Variants in MLLT10 observed in about 807,000 individuals in gnomAD.
The protein encoded by MLLT10 is MLLT10 histone lysine methyltransferase DOT1L cofactor.
Under a neutral mutation model 129.1 loss-of-function variants are expected in MLLT10, and 30 were observed. That is an observed-to-expected ratio of 0.23 (90% CI 0.17 to 0.32). MLLT10 has a LOEUF of 0.32. Among genes scored for constraint, MLLT10 ranks in the 10% least tolerant of loss-of-function variants. MLLT10 has a pLI of 1.00. For missense variants in MLLT10, 1,119 were observed against 1,268.3 expected (o/e 0.88, Z 1.79); for synonymous variants, 490 against 446.4 (o/e 1.10, Z -1.23).
chr10:21,624,955 G>T, intron 8 of MLLT10: 1 of 1,304,416 alleles, frequency 7.7e-7, no homozygotes, highest in Non-Finnish European at 1.1e-6. Flanking sequence ...CCCCTTGGTG[G>T]TGGTGAAGCA....
intron 3 of MLLT10, among the ~76,000 whole-genome samples, chr10:21,543,895 C>A (rs1468006901): frequency 6.6e-6 from 1 of 152,138 alleles, no homozygotes; most frequent in African/African-American, 2.4e-5. Context: ...GTATTTCACC[C>A]AGAAAGGGAA....
chr10:21,561,734 A>G (rs1220395368), intron 3 of MLLT10, among the ~76,000 whole-genome samples: 1 of 152,086 alleles, frequency 6.6e-6, no homozygotes, highest in Admixed American at 6.5e-5. Context: ...GTTGAAAATC[A>G]CTTCACCATA....
At chr10:21,716,839 G>A (rs370876216) in intron 14 of MLLT10, among the ~76,000 whole-genome samples, 50 of 152,252 alleles carry the variant, frequency 3.3e-4, no homozygotes, top group African/African-American at 1.2e-3. Flanking sequence ...CACCCTTAAC[G>A]AAAGTAGGAG....
chr10:21,624,729 T>A, intron 8 of MLLT10: 2 of 1,296,424 alleles, frequency 1.5e-6, no homozygotes, highest in Non-Finnish European at 1.1e-6. Context: ...TGTTTGTTGG[T>A]CTGACGATGC....
intron 8 of MLLT10, among the ~76,000 whole-genome samples, chr10:21,637,002 G>A (rs1000894301): frequency 6.6e-5 from 10 of 152,158 alleles, no homozygotes; most frequent in African/African-American, 2.4e-4. Flanking sequence ...GCCTTAGTGG[G>A]TGTGGCGTTC....
intron 8 of MLLT10, among the ~76,000 whole-genome samples, chr10:21,646,002 C>T (rs889905817): frequency 5.9e-5 from 9 of 152,092 alleles, no homozygotes; most frequent in African/African-American, 1.9e-4. Context: ...GCCCGGAGTT[C>T]GAGACCAGCC....
At chr10:21,612,209 A>G (rs557357311) in intron 5 of MLLT10, 139 bp from the exon 6 acceptor site, 12 of 528,844 alleles carry the variant, frequency 2.3e-5, no homozygotes, top group Admixed American at 9.8e-5. Context: ...AAATTAGATT[A>G]TTGTCCAAAA....
chr10:21,594,567 A>ATTT (rs1171913756), intron 4 of MLLT10, among the ~76,000 whole-genome samples: 1 of 148,340 alleles, frequency 6.7e-6, no homozygotes. Context: ...AAAAAAAAAA[A>ATTT]AAAAAAAAAG....
At chr10:21,617,606 A>G (rs1413143401) in intron 8 of MLLT10, among the ~76,000 whole-genome samples, 3 of 151,636 alleles carry the variant, frequency 2.0e-5, no homozygotes, top group East Asian at 3.9e-4. Context: ...ATTCTTGGCT[A>G]TTTTTTCTTT....
chr10:21,591,611 C>T (rs1414623068), intron 4 of MLLT10, among the ~76,000 whole-genome samples: 1 of 151,964 alleles, frequency 6.6e-6, no homozygotes, highest in East Asian at 1.9e-4. Flanking sequence ...GCCTTTTTGG[C>T]CATATCTCTT....
intron 17 of MLLT10, among the ~76,000 whole-genome samples, chr10:21,731,664 T>C (rs909123320): frequency 1.2e-4 from 19 of 152,226 alleles, no homozygotes; most frequent in Non-Finnish European, 2.6e-4. Flanking sequence ...ATAATTAGTA[T>C]ATATTATGCT....
intron 3 of MLLT10, among the ~76,000 whole-genome samples, chr10:21,545,243 C>CTTTT (rs55655739): frequency 7.0e-6 from 1 of 142,338 alleles, no homozygotes. Flanking sequence ...AACCACATGC[C>CTTTT]TTTTTTTTTT....
chr10:21,729,296 G>A (rs1183748577), intron 16 of MLLT10, among the ~76,000 whole-genome samples: 3 of 151,964 alleles, frequency 2.0e-5, no homozygotes, highest in South Asian at 2.1e-4. Context: ...ACAAGCTACC[G>A]AGAATTATTA....
Position 21,563,966 on chromosome 10 carries a change from C to G in MLLT10, c.241-22328C>G, listed in dbSNP as rs529569939. ...TAGCTGGGACTACAGGCTCCTGCCA[C>G]CACGACTGGCTAATTTTTTGTATTT... On this transcript the variant is annotated intron_variant, in intron 3 of 22. Transcript: ENST00000307729. Among the ~76,000 whole-genome samples the G allele has an allele frequency of 8.9e-4, 136 of 152,174 alleles. No homozygotes were observed. In the Middle Eastern group the frequency reaches 0.034, roughly 38 times the overall value.
At chr10:21,688,455 T>A in intron 13 of MLLT10, 1 of 1,581,916 alleles carries the variant, frequency 6.3e-7, no homozygotes, top group Non-Finnish European at 8.7e-7. Flanking sequence ...GAAGTGGTGA[T>A]TAAAAATCTG....
intron 14 of MLLT10, among the ~76,000 whole-genome samples, chr10:21,719,616 C>T (rs1005490084): frequency 6.6e-6 from 1 of 152,164 alleles, no homozygotes; most frequent in Non-Finnish European, 1.5e-5. Flanking sequence ...AAATTTGAGT[C>T]AGCAAAAGTC....
intron 5 of MLLT10, among the ~76,000 whole-genome samples, chr10:21,598,129 C>G (rs1361859973): frequency 6.6e-6 from 1 of 152,196 alleles, no homozygotes; most frequent in African/African-American, 2.4e-5. Context: ...CTTTCTTTTA[C>G]ATTCATCAGT....
chr10:21,590,609 G>A (rs1227433517), intron 4 of MLLT10, among the ~76,000 whole-genome samples: 1 of 152,132 alleles, frequency 6.6e-6, no homozygotes, highest in Non-Finnish European at 1.5e-5. Flanking sequence ...AGAGTGCTAG[G>A]ATTACAGGCG....
chr10:21,660,615 CAAAAAA>C (rs55685640), intron 9 of MLLT10, among the ~76,000 whole-genome samples: 3 of 41,824 alleles, frequency 7.2e-5, no homozygotes, highest in African/African-American at 3.1e-4. Context: ...GACTCCATCT[CAAAAAA>C]AAAAAAAAAA....
Sources: gnomAD v4.1 joint callset for allele counts (sites outside exome capture counted in the v4.1 genomes callset) on GRCh38, gnomAD v4.1.1 for gene constraint, MANE v1.5 for transcripts, NCBI Gene and HGNC (gene_info 2026-07-23, HGNC 2026-07-21) for gene names.